LPAR1: variants seen among roughly 807,000 people sequenced by gnomAD.
The protein encoded by LPAR1 is lysophosphatidic acid receptor 1, also known as LPA receptor 1.
LPAR1 carries 5 observed loss-of-function variants against 23.8 expected under a neutral mutation model. The observed-to-expected ratio is 0.21, with a 90% CI of 0.11 to 0.44. LPAR1 has a LOEUF of 0.44. LPAR1 is among the 20% of genes least tolerant of loss of function. The pLI is 0.99. For missense variants in LPAR1, 311 were observed against 482.8 expected (o/e 0.64, Z 3.33); for synonymous variants, 160 against 164.7 (o/e 0.97, Z 0.22).
At chr9:110,954,980 GAAAACCAC>G (rs902321262) in intron 4 of LPAR1, among the ~76,000 whole-genome samples, 56 of 151,966 alleles carry the variant, frequency 3.7e-4, no homozygotes, top group African/African-American at 1.4e-3. Flanking sequence ...TACCACTAAA[GAAAACCAC>G]AAAACCACAA....
intron 5 of LPAR1, among the ~76,000 whole-genome samples, chr9:110,877,978 CT>C: frequency 6.6e-6 from 1 of 152,088 alleles, no homozygotes; most frequent in Non-Finnish European, 1.5e-5. Context: ...GCCCATAAGC[CT>C]TACTTTTAGA....
chr9:111,001,544 T>C (rs2097129263), intron 2 of LPAR1, among the ~76,000 whole-genome samples: 2 of 152,220 alleles, frequency 1.3e-5, no homozygotes, highest in South Asian at 4.1e-4. Flanking sequence ...AGGAAAAATA[T>C]ACCTAATCAG....
At chr9:110,887,222 C>T (rs10817103) in intron 5 of LPAR1, among the ~76,000 whole-genome samples, 15,053 of 151,382 alleles carry the variant, frequency 0.099, 981 homozygotes, top group Middle Eastern at 0.17. Flanking sequence ...GATAGAGAAA[C>T]GTAATGGAAA....
At chr9:111,005,575 A>T in intron 2 of LPAR1, among the ~76,000 whole-genome samples, 1 of 131,486 alleles carries the variant, frequency 7.6e-6, no homozygotes, top group Non-Finnish European at 1.6e-5. Context: ...AAAAAAAAAA[A>T]AAGAAGAATT....
chr9:110,899,791 C>T (rs536422377), intron 5 of LPAR1, among the ~76,000 whole-genome samples: 64 of 152,264 alleles, frequency 4.2e-4, no homozygotes, highest in Non-Finnish European at 7.2e-4. Context: ...ATTAACCTAG[C>T]TCAGAATTTC....
chr9:111,021,828 G>A (rs2097564707), intron 2 of LPAR1, among the ~76,000 whole-genome samples: 1 of 151,928 alleles, frequency 6.6e-6, no homozygotes, highest in Non-Finnish European at 1.5e-5. Context: ...GAGTGTGGGG[G>A]CAGACACCTG....
Position 110,929,698 on chromosome 9 carries a change from ATGTGTGTGTGTGTGTGTG to A in LPAR1, c.793+11705_793+11722del, listed in dbSNP as rs71371696. Among the ~76,000 whole-genome samples the A allele has an allele frequency of 5.5e-3, 804 of 146,346 alleles. 9 individuals are homozygous for A. Among genetic ancestry groups the A allele is most frequent in the African/African-American group, 0.016 (628 of 39,344 alleles). On this transcript the variant is annotated intron_variant, in intron 5 of 5. Coordinates refer to ENST00000683809, the MANE Select transcript of LPAR1 (RefSeq NM_001351411.2). ...AAAATGCTGTATTTCCCAGCCAATA[ATGTGTGTGTGTGTGTGTG>A]TGTGTGTGTGTGTGTGTGTGTGTGT... is the stretch of plus-strand genomic sequence containing the variant.
At chr9:110,994,654 G>A (rs1488271423) in intron 2 of LPAR1, among the ~76,000 whole-genome samples, 1 of 152,166 alleles carries the variant, frequency 6.6e-6, no homozygotes, top group Non-Finnish European at 1.5e-5. Flanking sequence ...AGTAGAGGAG[G>A]AGGAGAGGAA....
At chr9:110,998,175 G>A (rs761533132) in intron 2 of LPAR1, among the ~76,000 whole-genome samples, 14 of 152,212 alleles carry the variant, frequency 9.2e-5, no homozygotes, top group Non-Finnish European at 1.8e-4. Context: ...AAAAATCAGT[G>A]GCCTCACATG....
chr9:110,972,922 G>A (rs2096466082), intron 3 of LPAR1, among the ~76,000 whole-genome samples: 1 of 151,936 alleles, frequency 6.6e-6, no homozygotes, highest in South Asian at 2.1e-4. Flanking sequence ...ACTCCAGCCT[G>A]GGCGACACAG....
intron 2 of LPAR1, among the ~76,000 whole-genome samples, chr9:111,022,386 T>C (rs1309610566): frequency 6.6e-6 from 1 of 152,162 alleles, no homozygotes; most frequent in Admixed American, 6.5e-5. Context: ...TGGTCTCCCA[T>C]CTCACGTGGT....
At chr9:110,991,969 A>G (rs1278365728) in intron 2 of LPAR1, among the ~76,000 whole-genome samples, 1 of 149,374 alleles carries the variant, frequency 6.7e-6, no homozygotes, top group Non-Finnish European at 1.5e-5. Flanking sequence ...ACTTCTGGAT[A>G]AAACTAACTT....
chr9:110,894,707 CT>C (rs2085688180), intron 5 of LPAR1, among the ~76,000 whole-genome samples: 1 of 152,112 alleles, frequency 6.6e-6, no homozygotes, highest in Non-Finnish European at 1.5e-5. Context: ...AGAGTCAGTC[CT>C]CTTTTTGCTT....
At chr9:111,023,614 T>C (rs375019300) in intron 2 of LPAR1, among the ~76,000 whole-genome samples, 1 of 152,234 alleles carries the variant, frequency 6.6e-6, no homozygotes, top group South Asian at 2.1e-4. Flanking sequence ...TCCCAGCTAC[T>C]AGCAAAATAA....
intron 2 of LPAR1, among the ~76,000 whole-genome samples, chr9:110,994,888 A>G (rs2096965883): frequency 6.6e-6 from 1 of 152,208 alleles, no homozygotes. Context: ...GCACGTTGCC[A>G]AAAGTCAAAT....
intron 2 of LPAR1, among the ~76,000 whole-genome samples, chr9:111,026,485 G>T (rs2097694136): frequency 6.6e-6 from 1 of 152,196 alleles, no homozygotes; most frequent in South Asian, 2.1e-4. Flanking sequence ...GAGACAATTT[G>T]ACTTCCTCTC....
intron 2 of LPAR1, among the ~76,000 whole-genome samples, chr9:111,007,771 T>G (rs1253381810): frequency 2.0e-5 from 3 of 152,104 alleles, no homozygotes; most frequent in Non-Finnish European, 4.4e-5. Flanking sequence ...TTCAAGATGT[T>G]TATCATTGGA....
intron 5 of LPAR1, among the ~76,000 whole-genome samples, chr9:110,881,045 G>A (rs1160498716): frequency 6.6e-6 from 1 of 152,124 alleles, no homozygotes; most frequent in Non-Finnish European, 1.5e-5. Context: ...ATGGCTTTTT[G>A]AGATTAACGC....
intron 2 of LPAR1, among the ~76,000 whole-genome samples, chr9:111,005,650 C>G (rs2097206031): frequency 6.6e-6 from 1 of 151,358 alleles, no homozygotes; most frequent in African/African-American, 2.4e-5. Context: ...GATCCAGCCT[C>G]TGCCTCATCC....
Sources: gnomAD v4.1 joint callset for allele counts (sites outside exome capture counted in the v4.1 genomes callset) on GRCh38, gnomAD v4.1.1 for gene constraint, MANE v1.5 for transcripts, NCBI Gene and HGNC (gene_info 2026-07-23, HGNC 2026-07-21) for gene names.